PPP6R3: variants seen among roughly 807,000 people sequenced by gnomAD.
PPP6R3 encodes protein phosphatase 6 regulatory subunit 3.
In PPP6R3, 38 loss-of-function variants were observed where a neutral mutation model predicts 110.7. That is an observed-to-expected ratio of 0.34 (90% confidence interval 0.26 to 0.45). The LOEUF is 0.45. Ranked by LOEUF, PPP6R3 falls within the 20% of genes least tolerant of loss-of-function variation. PPP6R3 has a pLI of 1.00. For missense variants in PPP6R3, 870 were observed against 1,062.4 expected (o/e 0.82, Z 2.52); for synonymous variants, 369 against 373.5 (o/e 0.99, Z 0.14).
At chr11:68,528,300 G>A (rs1382315579) in intron 2 of PPP6R3, among the ~76,000 whole-genome samples, 1 of 152,062 alleles carries the variant, frequency 6.6e-6, no homozygotes, top group East Asian at 1.9e-4. Context: ...AAAGCTGATT[G>A]CTTTTGACAC....
intron 1 of PPP6R3, among the ~76,000 whole-genome samples, chr11:68,509,470 ATTT>A (rs34228704): frequency 1.7e-5 from 2 of 116,470 alleles, no homozygotes; most frequent in African/African-American, 3.2e-5. Flanking sequence ...TTACTTCTCT[ATTT>A]TTTTTTTTTT....
At chr11:68,609,773 T>A in intron 22 of PPP6R3, 131 bp from the exon 23 acceptor site, 1 of 1,552,816 alleles carries the variant, frequency 6.4e-7, no homozygotes, top group Admixed American at 1.7e-5. Context: ...ACCCTGCGCA[T>A]GCTCAGTCCC....
At chr11:68,603,690 C>T (rs2099638662) in intron 22 of PPP6R3, 198 bp downstream of exon 22, 1 of 607,970 alleles carries the variant, frequency 1.6e-6, no homozygotes, top group Non-Finnish European at 2.8e-6. Flanking sequence ...CCTTTTCCCC[C>T]ATAAATGTGT....
rs1179641876 is a variant in PPP6R3, at chr11:68,475,705, G to A, written c.-158+14878G>A. Among the ~76,000 whole-genome samples the A allele has an allele frequency of 3.3e-5, 5 of 151,918 alleles. No homozygotes were observed. In the South Asian group the frequency reaches 1.0e-3, roughly 31 times the overall value. On this transcript the variant is annotated intron_variant, in intron 1 of 23. Transcript: ENST00000393800. ...CTGCCCCCCACCTCCCTCCCGGACG[G>A]GGTGGCTGCCGGGCGGAGACGCTCC...
chr11:68,588,031 A>G lies in PPP6R3; in HGVS notation c.1730+7A>G. The stretch of plus-strand genomic sequence containing the variant: ...ATCAAGATGACATTGGCAAGTGAGT[A>G]TGTTTTTCTGTTTCCGCTGTTGCTC... On this transcript the variant is annotated splice_region_variant and intron_variant, in intron 16 of 23. Coordinates refer to ENST00000393800, the MANE Select transcript of PPP6R3 (RefSeq NM_001164161.2). The G allele has an allele frequency of 6.2e-7, 1 of 1,610,136 alleles. No homozygotes were observed. Among genetic ancestry groups the G allele is most frequent in the Non-Finnish European group, 8.5e-7 (1 of 1,176,382 alleles).
intron 1 of PPP6R3, among the ~76,000 whole-genome samples, chr11:68,467,456 A>G (rs564023100): frequency 1.7e-3 from 263 of 152,368 alleles, no homozygotes; most frequent in Admixed American, 2.7e-3. Flanking sequence ...TGAGTCAGAC[A>G]GACTTGGAGA....
intron 1 of PPP6R3, among the ~76,000 whole-genome samples, chr11:68,477,812 C>A (rs979387103): frequency 1.4e-5 from 2 of 144,706 alleles, no homozygotes; most frequent in African/African-American, 5.2e-5. Context: ...CATAACCAAC[C>A]CCATGGTAAG....
At chr11:68,517,709 G>A (rs1463177164) in intron 1 of PPP6R3, among the ~76,000 whole-genome samples, 4 of 152,234 alleles carry the variant, frequency 2.6e-5, no homozygotes, top group South Asian at 2.1e-4. Context: ...AGGCCAAGGC[G>A]GACGGATCAC....
chr11:68,555,597 G>A (rs941333282), intron 7 of PPP6R3, among the ~76,000 whole-genome samples: 7 of 152,156 alleles, frequency 4.6e-5, no homozygotes, highest in African/African-American at 1.7e-4. Context: ...TAAGTTCTTC[G>A]TGCCACTCCA....
intron 19 of PPP6R3, 111 bp from the exon 20 acceptor site, chr11:68,600,230 G>A: frequency 8.0e-7 from 1 of 1,252,212 alleles, no homozygotes; most frequent in Non-Finnish European, 1.2e-6. Context: ...TGGTGAGAGT[G>A]TCTTTCTCCC....
At chr11:68,547,977 A>G in intron 4 of PPP6R3, 90 bp from the exon 5 acceptor site, 3 of 1,315,080 alleles carry the variant, frequency 2.3e-6, no homozygotes, top group Non-Finnish European at 3.1e-6. Context: ...GTAGTGGTAG[A>G]ATTTGGAGGA....
At chr11:68,503,417 ACCTCTGTGGGAG>A (rs2099058656) in intron 1 of PPP6R3, among the ~76,000 whole-genome samples, 1 of 152,068 alleles carries the variant, frequency 6.6e-6, no homozygotes, top group East Asian at 1.9e-4. Context: ...CCACAGCCTG[ACCTCTGTGGGAG>A]CCTCTGTGTT....
chr11:68,612,589 A>G (rs556040604), intron 23 of PPP6R3, among the ~76,000 whole-genome samples: 1 of 146,930 alleles, frequency 6.8e-6, no homozygotes. Flanking sequence ...TTTTTTTTCC[A>G]GTAGTTTATT....
At chr11:68,518,273 C>G (rs900923063) in intron 1 of PPP6R3, among the ~76,000 whole-genome samples, 3 of 152,036 alleles carry the variant, frequency 2.0e-5, no homozygotes, top group African/African-American at 7.2e-5. Flanking sequence ...AAATTATCAC[C>G]AATAATGGGG....
intron 1 of PPP6R3, among the ~76,000 whole-genome samples, chr11:68,515,573 G>C (rs2099132383): frequency 6.6e-6 from 1 of 152,206 alleles, no homozygotes; most frequent in African/African-American, 2.4e-5. Flanking sequence ...TCAATAATTA[G>C]AATCCACTGC....
chr11:68,544,815 A>T, intron 3 of PPP6R3, 23 bp from the exon 4 acceptor site: 1 of 1,491,788 alleles, frequency 6.7e-7, no homozygotes, highest in Non-Finnish European at 9.2e-7. Context: ...AAAGATGATG[A>T]TGTAAATATC....
chr11:68,597,649 G>A (rs1256448665), intron 19 of PPP6R3, among the ~76,000 whole-genome samples: 3 of 152,096 alleles, frequency 2.0e-5, no homozygotes, highest in Non-Finnish European at 4.4e-5. Flanking sequence ...TCTGGAATCT[G>A]TAGGGTTTGT....
intron 15 of PPP6R3, 118 bp downstream of exon 15, chr11:68,583,247 T>C (rs2099568309): frequency 1.3e-6 from 1 of 752,156 alleles, no homozygotes; most frequent in Non-Finnish European, 2.1e-6. Flanking sequence ...GGGTTACTTA[T>C]TAGTTAGACC....
intron 19 of PPP6R3, among the ~76,000 whole-genome samples, chr11:68,599,539 C>T (rs10896349): frequency 0.077 from 11,742 of 152,278 alleles, 602 homozygotes; most frequent in Non-Finnish European, 0.11. Context: ...GCAGAATGGG[C>T]GAAGTGCAGT....
Sources: gnomAD v4.1 joint callset for allele counts (sites outside exome capture counted in the v4.1 genomes callset) on GRCh38, gnomAD v4.1.1 for gene constraint, MANE v1.5 for transcripts, NCBI Gene and HGNC (gene_info 2026-07-23, HGNC 2026-07-21) for gene names.